The following ADAMTS17 variants were observed in gnomAD, a reference collection of about 807,000 sequenced individuals.
The protein encoded by ADAMTS17 is A disintegrin and metalloproteinase with thrombospondin motifs 17.
Under a neutral mutation model 141.5 loss-of-function variants are expected in ADAMTS17, and 113 were observed. That is an observed-to-expected ratio of 0.80 (90% CI 0.69 to 0.93). The LOEUF (loss-of-function observed/expected upper bound fraction) is 0.93. ADAMTS17 is among the 40% of genes least tolerant of loss of function. The pLI, the probability that ADAMTS17 is intolerant of heterozygous loss-of-function variation, is 0.00. For synonymous variants in ADAMTS17, 768 were observed against 630.6 expected, an observed-to-expected ratio of 1.22 and a Z score of -3.27; for missense variants, 1,659 against 1,517.9, an observed-to-expected ratio of 1.09 and a Z score of -1.54.
At chr15:100,008,375 C>G (rs551253466) in intron 18 of ADAMTS17, among the ~76,000 whole-genome samples, 22 of 152,276 alleles carry the variant, frequency 1.4e-4, no homozygotes, top group Admixed American at 2.6e-4. Flanking sequence ...TGAGAACAGG[C>G]TGCTGCAGAC....
At chr15:100,152,476 A>T (rs2039216039) in intron 10 of ADAMTS17, 136 bp downstream of exon 10, 1 of 1,163,280 alleles carries the variant, frequency 8.6e-7, no homozygotes, top group Non-Finnish European at 1.3e-6. Context: ...GTGTGCATAT[A>T]CATGTATACC....
At chr15:100,184,792 CCT>C (rs915229517) in intron 8 of ADAMTS17, among the ~76,000 whole-genome samples, 3 of 152,136 alleles carry the variant, frequency 2.0e-5, no homozygotes, top group African/African-American at 7.2e-5. Context: ...CCCGTAGCCC[CCT>C]GTCACAGCCC....
chr15:100,340,975 C>T (rs2046346259), intron 2 of ADAMTS17, 64 bp downstream of exon 2: 4 of 1,516,546 alleles, frequency 2.6e-6, no homozygotes, highest in Non-Finnish European at 2.6e-6. Context: ...CCCCACCCTC[C>T]ACGGCGACCA....
intron 5 of ADAMTS17, 73 bp from the exon 6 acceptor site, chr15:100,261,709 G>A (rs1255248147): frequency 3.3e-6 from 5 of 1,522,378 alleles, no homozygotes; most frequent in Admixed American, 1.9e-5. Flanking sequence ...ACTATGACAA[G>A]GACGTTAAGG....
chr15:100,068,187 C>T (rs187711113), intron 15 of ADAMTS17, among the ~76,000 whole-genome samples: 132 of 152,216 alleles, frequency 8.7e-4, no homozygotes, highest in African/African-American at 2.6e-3. Flanking sequence ...AACTGCAAGG[C>T]GGCAGTGAGG....
At chr15:100,249,102 G>A (rs1176347724) in intron 7 of ADAMTS17, among the ~76,000 whole-genome samples, 11 of 152,088 alleles carry the variant, frequency 7.2e-5, no homozygotes, top group Non-Finnish European at 1.5e-5. Context: ...CCTGGACCTG[G>A]TGTGACTTTT....
In ADAMTS17 at chr15:100,264,797, G is replaced by C. The variant is rs116039885; in HGVS notation, c.790-2362C>G. Among the ~76,000 whole-genome samples, 5 of 152,032 alleles carry C rather than the reference G, an allele frequency of 3.3e-5. No homozygotes were observed. In the East Asian group the frequency reaches 7.8e-4, roughly 24 times the overall value. Reference sequence around the variant, plus strand: ...GATGGAAGGGGGATGGGAAAGTTTCGTGTTCCAGGGGCTGGGGGGAGGCAA... The same window carrying C: ...GATGGAAGGGGGATGGGAAAGTTTCCTGTTCCAGGGGCTGGGGGGAGGCAA... On this transcript the variant is annotated intron_variant, in intron 4 of 21. Coordinates refer to ENST00000268070, the MANE Select transcript of ADAMTS17 (RefSeq NM_139057.4).
intron 7 of ADAMTS17, among the ~76,000 whole-genome samples, chr15:100,239,210 G>A (rs1436324732): frequency 6.6e-6 from 1 of 152,322 alleles, no homozygotes; most frequent in Admixed American, 6.5e-5. Flanking sequence ...TCTGCACCTC[G>A]GTTTTCCCAC....
At chr15:100,146,793 C>T (rs113850059) in intron 10 of ADAMTS17, among the ~76,000 whole-genome samples, 7,196 of 50,658 alleles carry the variant, frequency 0.14, 215 homozygotes, top group South Asian at 0.22. Flanking sequence ...TAGATGGCCC[C>T]CCTGGGTGTG....
At chr15:100,212,116 C>A (rs191689063) in intron 7 of ADAMTS17, among the ~76,000 whole-genome samples, 1 of 152,286 alleles carries the variant, frequency 6.6e-6, no homozygotes, top group Admixed American at 6.5e-5. Context: ...GTACCACCAC[C>A]CCACGAAGGG....
chr15:100,244,995 G>A (rs540281905), intron 7 of ADAMTS17, among the ~76,000 whole-genome samples: 27 of 152,282 alleles, frequency 1.8e-4, no homozygotes, highest in African/African-American at 5.3e-4. Context: ...GGCTGACTCC[G>A]AATTGCATGA....
chr15:100,130,092 T>C (rs1473540014), intron 12 of ADAMTS17, among the ~76,000 whole-genome samples: 1 of 152,060 alleles, frequency 6.6e-6, no homozygotes, highest in Non-Finnish European at 1.5e-5. Flanking sequence ...GGATTGGGCA[T>C]GGTGGCTCAC....
intron 8 of ADAMTS17, among the ~76,000 whole-genome samples, chr15:100,198,225 T>C (rs1356285669): frequency 6.6e-6 from 1 of 152,132 alleles, no homozygotes; most frequent in Non-Finnish European, 1.5e-5. Context: ...ATCAATTCAG[T>C]GGATATGGAC....
intron 21 of ADAMTS17, 121 bp downstream of exon 21, chr15:99,975,924 T>G: frequency 9.1e-7 from 1 of 1,094,244 alleles, no homozygotes. Flanking sequence ...ATGTCAGCCT[T>G]ATGTGACAAG....
chr15:100,327,357 AATG>A (rs1194735469), intron 3 of ADAMTS17, among the ~76,000 whole-genome samples: 5 of 152,372 alleles, frequency 3.3e-5, no homozygotes, highest in Admixed American at 2.0e-4. Flanking sequence ...TTTTTGAAAC[AATG>A]ATAACAGAAC....
chr15:100,338,179 C>A (rs548942104), intron 2 of ADAMTS17, among the ~76,000 whole-genome samples: 1 of 152,190 alleles, frequency 6.6e-6, no homozygotes, highest in Non-Finnish European at 1.5e-5. Context: ...GAAAGGAATG[C>A]GGCAGGCCCA....
intron 18 of ADAMTS17, among the ~76,000 whole-genome samples, chr15:100,021,192 G>C (rs764008861): frequency 6.6e-6 from 1 of 152,188 alleles, no homozygotes; most frequent in Non-Finnish European, 1.5e-5. Flanking sequence ...CTAGAGGATA[G>C]CAGGGAGTCC....
At chr15:100,010,081 G>C (rs2061130831) in intron 18 of ADAMTS17, among the ~76,000 whole-genome samples, 1 of 152,206 alleles carries the variant, frequency 6.6e-6, no homozygotes, top group African/African-American at 2.4e-5. Flanking sequence ...ATAAAGGGCA[G>C]TTCCCCGGCA....
chr15:100,147,817 A>G (rs1214621505), intron 10 of ADAMTS17, among the ~76,000 whole-genome samples: 5 of 152,244 alleles, frequency 3.3e-5, no homozygotes, highest in Admixed American at 3.3e-4. Context: ...TGCTGCTACT[A>G]CAAACTTAGT....
Sources: allele counts gnomAD v4.1 joint callset (sites outside exome capture counted in the v4.1 genomes callset), GRCh38; gene constraint gnomAD v4.1.1; transcripts MANE v1.5; gene names NCBI Gene and HGNC (gene_info 2026-07-23, HGNC 2026-07-21).